Variants in MOB3B observed in about 807,000 individuals in gnomAD.
MOB3B encodes MOB kinase activator 3B.
In MOB3B, 7 loss-of-function variants were observed where a neutral mutation model predicts 18.7. The ratio of observed to expected loss-of-function variants is 0.37; its 90% CI spans 0.21 to 0.70. The LOEUF is 0.70. Ranked by LOEUF, MOB3B falls within the 30% of genes least tolerant of loss-of-function variation. The pLI, the probability that MOB3B is intolerant of heterozygous loss-of-function variation, is 0.52. For synonymous variants in MOB3B, 111 were observed against 99.9 expected, an observed-to-expected ratio of 1.11 and a Z score of -0.66; for missense variants, 253 against 281.3, an observed-to-expected ratio of 0.90 and a Z score of 0.72.
Position 27,344,157 on chromosome 9 carries a change from GGAA to G in MOB3B, c.622-13544_622-13542del, listed in dbSNP as rs142902807. ...TAGAAAAAAAATTCAAAAGCTTCAA[GGAA>G]GAAGATTTTTACACATAAGGCCATT... On this transcript the variant is annotated intron_variant, in intron 3 of 3. Coordinates refer to ENST00000262244, the MANE Select transcript of MOB3B (RefSeq NM_024761.5). 8.6e-3 allele frequency among the ~76,000 whole-genome samples: 1,303 copies of G among 151,990 alleles called. 12 individuals carry two copies. Among genetic ancestry groups the G allele is most frequent in the Non-Finnish European group, 0.011 (736 of 67,988 alleles).
intron 1 of MOB3B, among the ~76,000 whole-genome samples, chr9:27,492,775 G>A (rs1205620891): frequency 6.6e-6 from 1 of 152,200 alleles, no homozygotes; most frequent in Non-Finnish European, 1.5e-5. Context: ...CATGCTTTCA[G>A]GGATATGTCT....
intron 2 of MOB3B, among the ~76,000 whole-genome samples, chr9:27,439,748 C>A (rs1157244409): frequency 1.3e-5 from 2 of 152,104 alleles, no homozygotes; most frequent in Non-Finnish European, 2.9e-5. Context: ...CAAAGGTATG[C>A]ATATATGTGC....
intron 1 of MOB3B, among the ~76,000 whole-genome samples, chr9:27,522,934 T>C (rs1820363154): frequency 1.3e-5 from 2 of 151,626 alleles, no homozygotes; most frequent in African/African-American, 2.4e-5. Context: ...TATATTTTTT[T>C]CCGTAAGAAA....
chr9:27,503,231 A>G (rs996569349), intron 1 of MOB3B, among the ~76,000 whole-genome samples: 2 of 152,146 alleles, frequency 1.3e-5, no homozygotes, highest in Non-Finnish European at 2.9e-5. Context: ...AAAAATTTCA[A>G]TTTGCCTTTA....
At chr9:27,451,071 G>T (rs948870351) in intron 2 of MOB3B, among the ~76,000 whole-genome samples, 1 of 152,132 alleles carries the variant, frequency 6.6e-6, no homozygotes, top group Non-Finnish European at 1.5e-5. Context: ...AAACCCATGA[G>T]TTGGAGGACC....
intron 2 of MOB3B, among the ~76,000 whole-genome samples, chr9:27,443,444 G>A (rs149327272): frequency 6.6e-6 from 1 of 152,190 alleles, no homozygotes; most frequent in African/African-American, 2.4e-5. Flanking sequence ...ATACATAAAC[G>A]ATTTCTTCCT....
Position 27,401,659 on chromosome 9 carries a change from G to A in MOB3B, c.419-42423C>T, listed in dbSNP as rs531742058. Among the ~76,000 whole-genome samples the A allele has an allele frequency of 8.2e-4, 125 of 152,266 alleles. 2 individuals are homozygous for A. Among genetic ancestry groups the A allele is most frequent in the Middle Eastern group, 3.4e-3 (1 of 294 alleles). On this transcript the variant is annotated intron_variant, in intron 2 of 3. Transcript: ENST00000262244. ...GTCTTCTGATCTGCTAACATCCAAG[G>A]TACCTAATGGAGCACATCTAGAAAT...
At chr9:27,415,608 A>T (rs183714846) in intron 2 of MOB3B, among the ~76,000 whole-genome samples, 1 of 152,340 alleles carries the variant, frequency 6.6e-6, no homozygotes, top group Admixed American at 6.5e-5. Context: ...AGGCACTTAC[A>T]TTTTATATCA....
chr9:27,509,969 C>G (rs1393566454), intron 1 of MOB3B, among the ~76,000 whole-genome samples: 1 of 152,232 alleles, frequency 6.6e-6, no homozygotes, highest in East Asian at 1.9e-4. Flanking sequence ...AGATGATCCA[C>G]CCACCTCGCT....
chr9:27,496,492 G>A (rs1294670375), intron 1 of MOB3B, among the ~76,000 whole-genome samples: 4 of 152,160 alleles, frequency 2.6e-5, no homozygotes, highest in South Asian at 4.1e-4. Context: ...ACAGTATAAT[G>A]TCAACTTCTA....
chr9:27,349,699 A>T (rs555230647), intron 3 of MOB3B, among the ~76,000 whole-genome samples: 1 of 152,340 alleles, frequency 6.6e-6, no homozygotes, highest in African/African-American at 2.4e-5. Flanking sequence ...CTCCCCTAAG[A>T]TACTGAGCAG....
Position 27,513,202 on chromosome 9 carries a change from T to C in MOB3B, c.-199+16353A>G, listed in dbSNP as rs1425717731. On this transcript the variant is annotated intron_variant, in intron 1 of 3. Transcript: ENST00000262244. ...CCTTTGGTGATCACAGATATTAACC[T>C]GAACCCAAATATACCCTAAGTAACG... Among the ~76,000 whole-genome samples, 3 of 152,192 alleles carry C rather than the reference T, an allele frequency of 2.0e-5. No individual in the cohort carries two copies. The East Asian group carries it at 5.8e-4, about 29-fold the overall frequency.
chr9:27,343,478 T>TAAAAAAAAAAAAAAA (rs779124158), intron 3 of MOB3B, among the ~76,000 whole-genome samples: 7 of 84,316 alleles, frequency 8.3e-5, no homozygotes, highest in East Asian at 3.8e-4. Context: ...CAATAAATAC[T>TAAAAAAAAAAAAAAA]AAAAAAAAAA....
chr9:27,454,499 A>T (rs1031046069), intron 2 of MOB3B, among the ~76,000 whole-genome samples: 9 of 152,358 alleles, frequency 5.9e-5, no homozygotes, highest in African/African-American at 1.9e-4. Context: ...TAAGAGGCAG[A>T]GAAGACTGAC....
intron 3 of MOB3B, among the ~76,000 whole-genome samples, chr9:27,357,915 A>AAAAAAAAAAAG (rs1821217375): frequency 7.6e-6 from 1 of 131,128 alleles, no homozygotes; most frequent in Non-Finnish European, 1.6e-5. Flanking sequence ...AAAAAAAAAA[A>AAAAAAAAAAAG]AAAAAATAGC....
chr9:27,449,440 T>C (rs1822747760), intron 2 of MOB3B, among the ~76,000 whole-genome samples: 1 of 152,198 alleles, frequency 6.6e-6, no homozygotes, highest in Non-Finnish European at 1.5e-5. Flanking sequence ...CATTTAATCC[T>C]TACAACAGTC....
At chr9:27,480,306 T>TA (rs1276688031) in intron 1 of MOB3B, among the ~76,000 whole-genome samples, 2 of 150,920 alleles carry the variant, frequency 1.3e-5, no homozygotes, top group Non-Finnish European at 3.0e-5. Context: ...CCAGCTATTT[T>TA]TTTTTTTTTT....
rs144303062 is a variant in MOB3B, at chr9:27,503,311, G to A, written c.-199+26244C>T. On this transcript the variant is annotated intron_variant, in intron 1 of 3. Transcript: ENST00000262244. Reference sequence around the variant, plus strand: ...CAAATGTAGTAACTTTTCATTTCAAGTTCTTGTCCTCTCCATCTGCTCCAA... The same window carrying A: ...CAAATGTAGTAACTTTTCATTTCAAATTCTTGTCCTCTCCATCTGCTCCAA... Among the ~76,000 whole-genome samples the A allele has an allele frequency of 2.3e-3, 350 of 152,314 alleles. 1 individual carries two copies. The highest frequency in any genetic ancestry group is 3.7e-3 in the Non-Finnish European group (249 of 68,022).
chr9:27,375,346 A>G (rs1368335937), intron 2 of MOB3B, among the ~76,000 whole-genome samples: 2 of 152,204 alleles, frequency 1.3e-5, no homozygotes, highest in East Asian at 3.9e-4. Context: ...AATCCCAGGG[A>G]GCATGAACAG....
Sources: allele counts gnomAD v4.1 joint callset (sites outside exome capture counted in the v4.1 genomes callset), GRCh38; gene constraint gnomAD v4.1.1; transcripts MANE v1.5; gene names NCBI Gene and HGNC (gene_info 2026-07-23, HGNC 2026-07-21).